Variants in TGFBR1 observed in about 807,000 individuals in gnomAD.
The protein encoded by TGFBR1 is transforming growth factor beta receptor 1, also known as TGF-beta receptor type-1.
A neutral mutation model predicts 55.1 loss-of-function variants in TGFBR1; 20 were observed. The ratio of observed to expected loss-of-function variants is 0.36; its 90% CI spans 0.26 to 0.53. The LOEUF (loss-of-function observed/expected upper bound fraction) is 0.53. Among genes scored for constraint, TGFBR1 ranks in the 20% least tolerant of loss-of-function variants. TGFBR1 has a pLI of 0.91. For missense variants in TGFBR1, 385 were observed against 617.6 expected, an observed-to-expected ratio of 0.62 and a Z score of 3.99; for synonymous variants, 220 against 214.8, an observed-to-expected ratio of 1.02 and a Z score of -0.21.
intron 1 of TGFBR1, among the ~76,000 whole-genome samples, chr9:99,112,275 C>T (rs918670793): frequency 6.6e-6 from 1 of 151,352 alleles, no homozygotes; most frequent in African/African-American, 2.4e-5. Flanking sequence ...AGTAGTAGGG[C>T]CTGTGTGTGG....
chr9:99,145,873 C>A (rs987050512), intron 6 of TGFBR1: 7 of 155,158 alleles, frequency 4.5e-5, no homozygotes, highest in African/African-American at 1.7e-4. Context: ...TGGGGACTCT[C>A]AATTTTCCCA....
chr9:99,130,721 CTAGA>C (rs778627944), intron 2 of TGFBR1, among the ~76,000 whole-genome samples: 8 of 152,056 alleles, frequency 5.3e-5, no homozygotes, highest in Non-Finnish European at 1.0e-4. Flanking sequence ...GTAGTCTGAA[CTAGA>C]TAGATTAGAT....
At chr9:99,145,062 A>T (rs1334981223) in intron 6 of TGFBR1, among the ~76,000 whole-genome samples, 174 bp downstream of exon 6, 4 of 152,226 alleles carry the variant, frequency 2.6e-5, no homozygotes, top group Non-Finnish European at 5.9e-5. Flanking sequence ...ACCTGACTTA[A>T]AAAGATGCCT....
chr9:99,146,497 T>C lies in TGFBR1; in HGVS notation c.1143T>C (p.Pro381=), dbSNP rs2118826941. The change falls in exon 7 of 9, where the codon CCT becomes CCC. Residue 381 remains proline (P), a synonymous_variant. Coordinates refer to ENST00000374994, the MANE Select transcript of TGFBR1 (RefSeq NM_004612.4). ...AAATTTTTTTTAGGTACATGGCCCC[T>C]GAAGTTCTCGATGATTCCATAAATA... is the stretch of plus-strand genomic sequence containing the variant. The part of the protein sequence containing the change: ...HRVGTKRYMA[P]EVLDDSINMK... 1 of 1,613,954 alleles carries C rather than the reference T, an allele frequency of 6.2e-7. No homozygotes were observed. Among genetic ancestry groups the C allele is most frequent in the Non-Finnish European group, 8.5e-7 (1 of 1,179,856 alleles).
intron 1 of TGFBR1, among the ~76,000 whole-genome samples, chr9:99,116,476 C>A (rs939433721): frequency 4.6e-5 from 7 of 152,128 alleles, no homozygotes; most frequent in Non-Finnish European, 8.8e-5. Context: ...AAAGGAAAAT[C>A]TTATGGAAGA....
intron 2 of TGFBR1, 90 bp downstream of exon 2, chr9:99,129,190 T>C (rs1827137720): frequency 2.8e-6 from 4 of 1,447,920 alleles, no homozygotes; most frequent in Non-Finnish European, 3.8e-6. Context: ...ATAAAAATTG[T>C]CTAATCCAGC....
At chr9:99,114,615 A>G (rs1325334903) in intron 1 of TGFBR1, among the ~76,000 whole-genome samples, 7 of 152,222 alleles carry the variant, frequency 4.6e-5, no homozygotes, top group Non-Finnish European at 1.0e-4. Context: ...GTATGAACAC[A>G]TTAGTCTTTC....
chr9:99,121,816 A>G (rs1159846117), intron 1 of TGFBR1, among the ~76,000 whole-genome samples: 1 of 152,158 alleles, frequency 6.6e-6, no homozygotes, highest in Non-Finnish European at 1.5e-5. Context: ...CAGCAAAGTC[A>G]GAGTGATGAA....
chr9:99,136,103 C>T (rs1291668407), intron 3 of TGFBR1, among the ~76,000 whole-genome samples: 3 of 152,152 alleles, frequency 2.0e-5, no homozygotes, highest in South Asian at 2.1e-4. Flanking sequence ...GATCCAACCA[C>T]GTCGGCCTCC....
At position 99,153,956 on chromosome 9, in the gene TGFBR1, G is replaced by C. The variant is rs199856397; in HGVS notation, c.*4651G>C. The C allele has an allele frequency of 1.4e-5, 3 of 214,588 alleles. No homozygotes were observed. Among genetic ancestry groups the C allele is most frequent in the Non-Finnish European group, 2.8e-5 (3 of 106,142 alleles). The allele number at this position is 214,588 out of a possible 1,614,324, so 13.3% of individuals were successfully genotyped here. ...CAGCACATTTGTTAGTCTCCTGGGGGTGAAAACTTGGCTTACAAGAGAACT... is the reference window on the plus strand; with the variant it reads ...CAGCACATTTGTTAGTCTCCTGGGGCTGAAAACTTGGCTTACAAGAGAACT... On this transcript the variant is annotated 3_prime_UTR_variant, in exon 9 of 9. Coordinates refer to ENST00000374994, the MANE Select transcript of TGFBR1 (RefSeq NM_004612.4).
At chr9:99,136,996 T>C (rs530288455) in intron 3 of TGFBR1, among the ~76,000 whole-genome samples, 52 of 152,290 alleles carry the variant, frequency 3.4e-4, no homozygotes, top group African/African-American at 1.1e-3. Context: ...GTCTCACATA[T>C]AGTGCCACTT....
In TGFBR1 at chr9:99,146,536, A is replaced by G. The variant is rs1564174297; in HGVS notation, c.1182A>G (p.Glu394=). 1 of 1,614,008 alleles carries G rather than the reference A, an allele frequency of 6.2e-7. No homozygotes were observed. The change falls in exon 7 of 9, where the codon GAA becomes GAG. Residue 394 remains glutamate, a synonymous_variant. Coordinates refer to ENST00000374994, the MANE Select transcript of TGFBR1 (RefSeq NM_004612.4). ...LDDSINMKHF[E]SFKRADIYAM... ...ATTCCATAAATATGAAACATTTTGAATCCTTCAAACGTGCTGACATCTATG... is the reference window on the plus strand; with the variant it reads ...ATTCCATAAATATGAAACATTTTGAGTCCTTCAAACGTGCTGACATCTATG...
At chr9:99,111,295 C>CTTTTTTTTTTTT (rs3034196) in intron 1 of TGFBR1, among the ~76,000 whole-genome samples, 2 of 55,152 alleles carry the variant, frequency 3.6e-5, no homozygotes, top group African/African-American at 1.5e-4. Context: ...TGCACCCATG[C>CTTTTTTTTTTTT]TTTTTTTTTT....
chr9:99,105,218 G>T lies in TGFBR1; in HGVS notation c.13G>T (p.Val5Phe). The change falls in exon 1 of 9, where the codon GTC (valine) becomes TTC (phenylalanine). Residue 5 changes from valine (V) to phenylalanine (F), a missense_variant. Physicochemically the swap from Val to Phe is conservative, Grantham distance 50 (BLOSUM62 -1). Around this residue, in one of 5 missense-constraint regions of TGFBR1, gnomAD observed 37 missense variants for 40.2 expected, o/e 0.92. Transcript: ENST00000374994. MEAA[V>F]AAPRPRLLLL... ...TGGCGGCGGGACCATGGAGGCGGCG[G>T]TCGCTGCTCCGCGTCCCCGGCTGCT... The T allele has an allele frequency of 9.3e-7, 1 of 1,080,930 alleles. No homozygotes were observed. The highest frequency in any genetic ancestry group is 1.1e-6 in the Non-Finnish European group (1 of 894,498). 67.0% of individuals were successfully genotyped at this position (1,080,930 alleles called of 1,614,324 possible). A position where few individuals can be genotyped will look rare whatever the true frequency, so the allele number is the denominator to read the frequency against.
intron 1 of TGFBR1, among the ~76,000 whole-genome samples, chr9:99,108,064 G>T (rs1357134811): frequency 6.6e-6 from 1 of 152,166 alleles, no homozygotes; most frequent in Non-Finnish European, 1.5e-5. Context: ...TTCTTTTGTG[G>T]CCTCAGAACT....
intron 7 of TGFBR1, among the ~76,000 whole-genome samples, chr9:99,147,439 A>T (rs1021351206): frequency 6.6e-6 from 1 of 152,128 alleles, no homozygotes; most frequent in African/African-American, 2.4e-5. Flanking sequence ...TATTGATCTC[A>T]TGGCAATACT....
intron 8 of TGFBR1, among the ~76,000 whole-genome samples, chr9:99,148,011 T>C (rs535637542): frequency 6.6e-6 from 1 of 152,324 alleles, no homozygotes; most frequent in South Asian, 2.1e-4. Context: ...GAACATAGTT[T>C]AGATCTGCCG....
chr9:99,133,116 A>G (rs1827298733), intron 3 of TGFBR1, among the ~76,000 whole-genome samples: 1 of 152,224 alleles, frequency 6.6e-6, no homozygotes, highest in Non-Finnish European at 1.5e-5. Context: ...AACCCATTCT[A>G]TTCAGGATTG....
At chr9:99,108,827 TA>T (rs1272250941) in intron 1 of TGFBR1, among the ~76,000 whole-genome samples, 1 of 152,072 alleles carries the variant, frequency 6.6e-6, no homozygotes, top group Non-Finnish European at 1.5e-5. Context: ...AAACAAAACA[TA>T]AAAGTAATCA....
Sources: allele counts gnomAD v4.1 joint callset (sites outside exome capture counted in the v4.1 genomes callset), GRCh38; gene constraint gnomAD v4.1.1; regional missense constraint gnomAD v4.1.1; transcripts MANE v1.5; gene names NCBI Gene and HGNC (gene_info 2026-07-23, HGNC 2026-07-21).